The following BTBD7 variants were observed in gnomAD, a reference collection of about 807,000 sequenced individuals.
BTBD7 encodes BTB domain containing 7.
A neutral mutation model predicts 99.9 loss-of-function variants in BTBD7; 38 were observed. The ratio of observed to expected loss-of-function variants is 0.38; its 90% CI spans 0.29 to 0.50. BTBD7 has a LOEUF of 0.50. Ranked by LOEUF, BTBD7 falls within the 20% of genes least tolerant of loss-of-function variation. BTBD7 has a pLI of 0.93. For missense variants in BTBD7, 1,170 were observed against 1,394.6 expected (o/e 0.84, Z 2.57); for synonymous variants, 520 against 511.4 (o/e 1.02, Z -0.23).
At chr14:93,331,641 A>G (rs758494209) in intron 1 of BTBD7, among the ~76,000 whole-genome samples, 2 of 152,166 alleles carry the variant, frequency 1.3e-5, no homozygotes, top group African/African-American at 4.8e-5. Flanking sequence ...AGTAGTTCGG[A>G]AGGACGAGGC....
intron 3 of BTBD7, chr14:93,288,801 T>C (rs2052811769): frequency 2.6e-6 from 4 of 1,524,296 alleles, no homozygotes. Context: ...TATCTGTAAG[T>C]GTATATACTT....
chr14:93,283,671 C>G (rs780156801), intron 3 of BTBD7, among the ~76,000 whole-genome samples: 1 of 152,202 alleles, frequency 6.6e-6, no homozygotes, highest in Non-Finnish European at 1.5e-5. Context: ...CATGCCTCAG[C>G]CACCAGAGTA....
In BTBD7 at chr14:93,249,837, G is replaced by A. The variant is rs1008414127; in HGVS notation, c.1943-1183C>T. 4.6e-5 allele frequency among the ~76,000 whole-genome samples: 7 copies of A among 152,310 alleles called. 1 individual carries two copies. Among genetic ancestry groups the A allele is most frequent in the Admixed American group, 4.6e-4 (7 of 15,304 alleles). On this transcript the variant is annotated intron_variant, in intron 8 of 10. Coordinates refer to ENST00000334746, the MANE Select transcript of BTBD7 (RefSeq NM_001002860.4). ...GTTAGAAACCTGAAGTAGGGCTGTA[G>A]CTGTAGGGCTGGAGAGGGGATGGAG...
intron 4 of BTBD7, 137 bp from the exon 5 acceptor site, chr14:93,261,814 T>TA (rs2052492402): frequency 1.5e-6 from 1 of 648,046 alleles, no homozygotes. Context: ...TTTGAAGTTT[T>TA]AGTGTTAAAT....
At chr14:93,246,796 G>C (rs1226931423) in intron 9 of BTBD7, among the ~76,000 whole-genome samples, 1 of 152,178 alleles carries the variant, frequency 6.6e-6, no homozygotes. Context: ...GCAATTTAAG[G>C]TACCAAATTC....
chr14:93,319,812 C>CA (rs902982226), intron 1 of BTBD7, among the ~76,000 whole-genome samples: 26 of 146,160 alleles, frequency 1.8e-4, no homozygotes, highest in African/African-American at 4.6e-4. Flanking sequence ...GTGTTCTTAC[C>CA]AAAAAAAATA....
In BTBD7 at chr14:93,248,711, C is replaced by T. The variant is rs894253011; in HGVS notation, c.1943-57G>A. 3.4e-6 allele frequency: 5 copies of T among 1,450,364 alleles called. No individual in the cohort carries two copies. The African/African-American group carries it at 4.3e-5, about 12-fold the overall frequency. The allele number at this position is 1,450,364 out of a possible 1,614,324, so 89.8% of individuals were successfully genotyped here. A position where few individuals can be genotyped will look rare whatever the true frequency, so the allele number is the denominator to read the frequency against. On this transcript the variant is annotated intron_variant, in intron 8 of 10. Transcript: ENST00000334746. ...TTCCTGAGCTACACAAAAGACGACCCCGTGAGCCCAAGGGAAAAAAGCATG... is the reference window on the plus strand; with the variant it reads ...TTCCTGAGCTACACAAAAGACGACCTCGTGAGCCCAAGGGAAAAAAGCATG...
intron 1 of BTBD7, among the ~76,000 whole-genome samples, chr14:93,325,626 C>T (rs549687482): frequency 6.6e-6 from 1 of 152,096 alleles, no homozygotes; most frequent in Non-Finnish European, 1.5e-5. Context: ...GATTTCCATA[C>T]CTATTTTAAC....
chr14:93,290,620 T>A (rs531190021), intron 3 of BTBD7, among the ~76,000 whole-genome samples: 2 of 147,232 alleles, frequency 1.4e-5, no homozygotes, highest in East Asian at 4.2e-4. Context: ...TGGGTTCAAG[T>A]AATTCTCATG....
At chr14:93,318,717 A>G (rs2053236454) in intron 1 of BTBD7, among the ~76,000 whole-genome samples, 2 of 152,240 alleles carry the variant, frequency 1.3e-5, no homozygotes, top group Non-Finnish European at 1.5e-5. Flanking sequence ...GGTTTACATC[A>G]AACTGAGAAA....
chr14:93,266,330 T>C (rs576965827), intron 3 of BTBD7, among the ~76,000 whole-genome samples: 3 of 152,196 alleles, frequency 2.0e-5, no homozygotes, highest in East Asian at 1.9e-4. Flanking sequence ...CAGTTTAGAT[T>C]AGCACTGACC....
intron 1 of BTBD7, among the ~76,000 whole-genome samples, chr14:93,296,590 T>G: frequency 6.6e-6 from 1 of 152,234 alleles, no homozygotes; most frequent in East Asian, 1.9e-4. Flanking sequence ...AACACATAAT[T>G]GATTAGTTGT....
At chr14:93,291,071 G>T (rs908541442) in intron 3 of BTBD7, among the ~76,000 whole-genome samples, 1 of 141,260 alleles carries the variant, frequency 7.1e-6, no homozygotes, top group African/African-American at 2.7e-5. Flanking sequence ...GGGCTCAAGT[G>T]ATCCTCCTGC....
intron 6 of BTBD7, 134 bp downstream of exon 6, chr14:93,257,061 G>C: frequency 1.2e-6 from 1 of 839,876 alleles, no homozygotes; most frequent in Non-Finnish European, 1.8e-6. Context: ...GTACACAATA[G>C]ACATCTGTCT....
intron 6 of BTBD7, chr14:93,256,021 C>G (rs2052425329): frequency 6.6e-6 from 1 of 152,144 alleles, no homozygotes; most frequent in South Asian, 2.1e-4. Context: ...CCTTGTGGAG[C>G]AGGGCTACCC....
At chr14:93,278,892 A>C (rs2052686943) in intron 3 of BTBD7, among the ~76,000 whole-genome samples, 2 of 152,250 alleles carry the variant, frequency 1.3e-5, no homozygotes, top group African/African-American at 2.4e-5. Flanking sequence ...AAATGGAGGA[A>C]AAACCTACCA....
intron 3 of BTBD7, among the ~76,000 whole-genome samples, chr14:93,266,558 T>C (rs2052545836): frequency 2.0e-5 from 3 of 152,196 alleles, no homozygotes; most frequent in Admixed American, 1.3e-4. Flanking sequence ...GGGGAGATTT[T>C]GGTTCAATGA....
At position 93,248,642 on chromosome 14, in the gene BTBD7, A is replaced by G. The variant is rs769095864; in HGVS notation, c.1955T>C (p.Leu652Pro). The change falls in exon 9 of 11, where the codon CTC (leucine) becomes CCC (proline). Residue 652 changes from leucine (L) to proline (P), a missense_variant. Leu to Pro is a moderately conservative substitution (Grantham distance 98). Coordinates refer to ENST00000334746, the MANE Select transcript of BTBD7 (RefSeq NM_001002860.4). ...VANEIPVPRL[L>P]IMKDMVRRLQ... ...TCGTCTGACCATGTCTTTCATAATG[A>G]GGAGACGAGGAACTGGAAGGAGAAC... 2 of 1,608,136 alleles carry G rather than the reference A, an allele frequency of 1.2e-6. No individual in the cohort carries two copies. Among genetic ancestry groups the G allele is most frequent in the East Asian group, 4.5e-5 (2 of 44,796 alleles).
intron 5 of BTBD7, 109 bp from the exon 6 acceptor site, chr14:93,257,464 C>A: frequency 2.1e-6 from 2 of 947,608 alleles, no homozygotes; most frequent in Non-Finnish European, 3.0e-6. Flanking sequence ...GACTTATGTG[C>A]CTCTGCTTTA....
Sources: gnomAD v4.1 joint callset for allele counts (sites outside exome capture counted in the v4.1 genomes callset) on GRCh38, gnomAD v4.1.1 for gene constraint, MANE v1.5 for transcripts, NCBI Gene and HGNC (gene_info 2026-07-23, HGNC 2026-07-21) for gene names.